Variants in RAP1B observed in about 807,000 individuals in gnomAD.
RAP1B encodes RAP1B, member of RAS oncogene family, also known as ras-related protein Rap-1b.
Under a neutral mutation model 27.5 loss-of-function variants are expected in RAP1B, and 1 was observed. The observed-to-expected ratio is 0.04, with a 90% CI of 0.01 to 0.17. The LOEUF is 0.17. RAP1B is among the 10% of genes least tolerant of loss of function. The probability of loss-of-function intolerance (pLI) is 1.00; values close to 1 mark genes in which losing one functional copy is unlikely to be tolerated. For synonymous variants in RAP1B, 75 were observed against 73.1 expected (o/e 1.03, Z -0.13); for missense variants, 84 against 214.8 (o/e 0.39, Z 3.81).
intron 1 of RAP1B, among the ~76,000 whole-genome samples, chr12:68,635,021 C>G (rs1872537166): frequency 6.6e-6 from 1 of 152,118 alleles, no homozygotes; most frequent in Admixed American, 6.5e-5. Context: ...ATTTAGAAAT[C>G]TTGTTCACAG....
chr12:68,614,198 T>C (rs954826121), intron 1 of RAP1B, among the ~76,000 whole-genome samples: 3 of 152,196 alleles, frequency 2.0e-5, no homozygotes, highest in Non-Finnish European at 4.4e-5. Context: ...TCGATAAATA[T>C]TTATTGAGGT....
At chr12:68,641,844 T>C (rs1217779339) in intron 1 of RAP1B, among the ~76,000 whole-genome samples, 1 of 151,974 alleles carries the variant, frequency 6.6e-6, no homozygotes, top group Non-Finnish European at 1.5e-5. Context: ...GAATTTTTAG[T>C]ATTTTGATAG....
At chr12:68,613,969 A>G (rs1429379989) in intron 1 of RAP1B, among the ~76,000 whole-genome samples, 5 of 152,212 alleles carry the variant, frequency 3.3e-5, no homozygotes, top group African/African-American at 9.7e-5. Context: ...AAGAGCTACC[A>G]TGTAAGGAGG....
At chr12:68,643,692 GC>G (rs1873189810) in intron 1 of RAP1B, among the ~76,000 whole-genome samples, 1 of 152,034 alleles carries the variant, frequency 6.6e-6, no homozygotes, top group Admixed American at 6.6e-5. Flanking sequence ...GAGTTGAGTG[GC>G]TAAACTTGGT....
At chr12:68,649,162 A>G (rs1485186153) in intron 2 of RAP1B, 2 of 163,936 alleles carry the variant, frequency 1.2e-5, no homozygotes, top group African/African-American at 4.8e-5. Flanking sequence ...AAGTGATCTC[A>G]GCCTCCTGAA....
chr12:68,613,432 GCT>G (rs1172054887), intron 1 of RAP1B, among the ~76,000 whole-genome samples: 1 of 148,582 alleles, frequency 6.7e-6, no homozygotes, highest in Non-Finnish European at 1.5e-5. Context: ...TGATTGCTCT[GCT>G]CTCTTTTACA....
At chr12:68,634,812 G>T (rs1838960190) in intron 1 of RAP1B, among the ~76,000 whole-genome samples, 1 of 152,200 alleles carries the variant, frequency 6.6e-6, no homozygotes, top group Non-Finnish European at 1.5e-5. Context: ...CTAACCTTAC[G>T]TTGCATGTCA....
At chr12:68,627,331 G>C in intron 1 of RAP1B, 2 of 751,842 alleles carry the variant, frequency 2.7e-6, no homozygotes, top group East Asian at 2.5e-5. Context: ...TGCACACTGG[G>C]CCCCCCCATG....
At chr12:68,614,604 C>G (rs917806776) in intron 1 of RAP1B, among the ~76,000 whole-genome samples, 4 of 148,528 alleles carry the variant, frequency 2.7e-5, no homozygotes, top group African/African-American at 9.7e-5. Flanking sequence ...GTTTTCTTCC[C>G]CCTCCTGTCA....
At chr12:68,647,932 T>A (rs1450446413) in intron 1 of RAP1B, 1 of 152,190 alleles carries the variant, frequency 6.6e-6, no homozygotes, top group African/African-American at 2.4e-5. Flanking sequence ...ATCAGAAGTT[T>A]TAAAATCTGT....
rs1213910017 is a variant in RAP1B at position 68,666,358 on chromosome 12, A to G, written c.*7109A>G. 6.6e-6 allele frequency: 1 copy of G among 152,202 alleles called. No homozygotes were observed. Among genetic ancestry groups the G allele is most frequent in the African/African-American group, 2.4e-5 (1 of 41,448 alleles). The allele number at this position is 152,202 out of a possible 1,614,324, so 9.4% of individuals were successfully genotyped here. On this transcript the variant is annotated 3_prime_UTR_variant, in exon 8 of 8. Transcript: ENST00000250559. ...TTAGTGTCCTAGTTTAAAAGTATAT[A>G]TTAGTTTCCTAGGGCTGCTGTAACA...
intron 1 of RAP1B, among the ~76,000 whole-genome samples, chr12:68,637,198 T>C (rs1872684780): frequency 6.6e-6 from 1 of 152,194 alleles, no homozygotes; most frequent in Admixed American, 6.5e-5. Context: ...AGCTGCTTGA[T>C]GATGGTAATA....
chr12:68,637,557 C>A (rs542998830), intron 1 of RAP1B, among the ~76,000 whole-genome samples: 1 of 135,392 alleles, frequency 7.4e-6, no homozygotes, highest in African/African-American at 2.8e-5. Context: ...AGATCACACA[C>A]CACTGCACTC....
intron 1 of RAP1B, among the ~76,000 whole-genome samples, chr12:68,622,234 C>G (rs1871435525): frequency 6.6e-6 from 1 of 152,186 alleles, no homozygotes; most frequent in African/African-American, 2.4e-5. Flanking sequence ...TGTAATACCA[C>G]CCTTGTTTAA....
chr12:68,645,354 A>T (rs1281883349), intron 1 of RAP1B, among the ~76,000 whole-genome samples: 1 of 152,224 alleles, frequency 6.6e-6, no homozygotes, highest in Non-Finnish European at 1.5e-5. Flanking sequence ...TTGTCCCCCC[A>T]TGGGGTTCTG....
At position 68,619,320 on chromosome 12, in the gene RAP1B, C is replaced by T. The variant is rs563075638; in HGVS notation, c.-27+8277C>T. 9.2e-5 allele frequency among the ~76,000 whole-genome samples: 14 copies of T among 152,220 alleles called. No homozygotes were observed. In the East Asian group the frequency reaches 2.5e-3, roughly 27 times the overall value. ...AGTATTTATGGTCGATGATAAAGTT[C>T]CTAGATTTTAAGCAAAAATTTTAGA... On this transcript the variant is annotated intron_variant, in intron 1 of 7. Transcript: ENST00000250559.
intron 1 of RAP1B, among the ~76,000 whole-genome samples, chr12:68,628,768 TAAATA>T (rs1335137956): frequency 1.3e-5 from 2 of 152,212 alleles, no homozygotes; most frequent in Admixed American, 6.5e-5. Flanking sequence ...TAATTGAAAT[TAAATA>T]AAATCAAAAT....
At position 68,664,584 on chromosome 12, in the gene RAP1B, C is replaced by T. The variant is rs139019150; in HGVS notation, c.*5335C>T. On this transcript the variant is annotated 3_prime_UTR_variant, in exon 8 of 8. Transcript: ENST00000250559. ...ATTAGACGGGCACGGTGGTGTGTGC[C>T]TGTAATCCCAGCTACTCAGGAGGCT... 1,393 of 152,296 alleles carry T rather than the reference C, an allele frequency of 9.1e-3. 10 individuals carry two copies. The highest frequency in any genetic ancestry group is 0.019 in the South Asian group (93 of 4,822). 9.4% of individuals were successfully genotyped at this position (152,296 alleles called of 1,614,324 possible). A position where few individuals can be genotyped will look rare whatever the true frequency, so the allele number is the denominator to read the frequency against.
chr12:68,647,629 T>G (rs1350006301), intron 1 of RAP1B, among the ~76,000 whole-genome samples: 1 of 151,692 alleles, frequency 6.6e-6, no homozygotes, highest in African/African-American at 2.4e-5. Context: ...TACAGGATTT[T>G]GGGGAATTAG....
Sources: gnomAD v4.1 joint callset for allele counts (sites outside exome capture counted in the v4.1 genomes callset) on GRCh38, gnomAD v4.1.1 for gene constraint, MANE v1.5 for transcripts, NCBI Gene and HGNC (gene_info 2026-07-23, HGNC 2026-07-21) for gene names.